PIBF1: variants seen among roughly 807,000 people sequenced by gnomAD.
PIBF1 encodes the protein progesterone-induced-blocking factor 1.
A neutral mutation model predicts 112.5 loss-of-function variants in PIBF1; 90 were observed. That is an observed-to-expected ratio of 0.80 (90% CI 0.67 to 0.95). PIBF1 has a LOEUF of 0.95. Among genes scored for constraint, PIBF1 ranks in the 40% least tolerant of loss-of-function variants. The probability of loss-of-function intolerance (pLI) is 0.00; values close to 1 mark genes in which losing one functional copy is unlikely to be tolerated. For synonymous variants in PIBF1, 301 were observed against 288.6 expected (o/e 1.04, Z -0.44); for missense variants, 915 against 852.3 (o/e 1.07, Z -0.92).
chr13:72,801,038 G>T (rs1002335302), intron 5 of PIBF1, among the ~76,000 whole-genome samples: 2 of 152,138 alleles, frequency 1.3e-5, no homozygotes, highest in African/African-American at 2.4e-5. Flanking sequence ...AAGGCAGGGG[G>T]GTACTTTGGT....
chr13:72,953,494 C>G (rs1184703709), intron 14 of PIBF1, among the ~76,000 whole-genome samples: 1 of 152,168 alleles, frequency 6.6e-6, no homozygotes, highest in Non-Finnish European at 1.5e-5. Flanking sequence ...AGTGATGTGA[C>G]CTGTCCTCTA....
At chr13:72,858,026 TGTGTGTGTG>T (rs1566366973) in intron 10 of PIBF1, among the ~76,000 whole-genome samples, 15 of 1,864 alleles carry the variant, frequency 8.0e-3, no homozygotes, top group African/African-American at 0.018. Flanking sequence ...ATGTACATTG[TGTGTGTGTG>T]TGTGTGTGTG....
chr13:72,794,697 C>A (rs1310864357), intron 3 of PIBF1, among the ~76,000 whole-genome samples: 1 of 152,174 alleles, frequency 6.6e-6, no homozygotes, highest in African/African-American at 2.4e-5. Flanking sequence ...CTTTGCTTCT[C>A]TTTTGCCTTC....
intron 16 of PIBF1, among the ~76,000 whole-genome samples, chr13:72,988,349 C>T (rs1466361291): frequency 6.6e-6 from 1 of 152,040 alleles, no homozygotes; most frequent in Middle Eastern, 3.2e-3. Flanking sequence ...TTTGTATATA[C>T]TTCTTTTGAG....
intron 9 of PIBF1, among the ~76,000 whole-genome samples, chr13:72,853,549 C>G (rs2038267890): frequency 6.6e-6 from 1 of 152,190 alleles, no homozygotes; most frequent in Non-Finnish European, 1.5e-5. Context: ...CTTCTACTTT[C>G]TCCTGTCTGT....
chr13:72,837,387 C>T lies in PIBF1; in HGVS notation c.1223+2019C>T, dbSNP rs115836133. The stretch of plus-strand genomic sequence containing the variant: ...CTAAGCTAGCCTTCATATGTTGAAT[C>T]CTGAGAAAATTTTGTTCCAAGTAGC... On this transcript the variant is annotated intron_variant, in intron 9 of 17. Transcript: ENST00000326291. Among the ~76,000 whole-genome samples, 971 of 152,046 alleles carry T rather than the reference C, an allele frequency of 6.4e-3. 12 individuals are homozygous for T. The highest frequency in any genetic ancestry group is 0.022 in the African/African-American group (901 of 41,530).
intron 17 of PIBF1, among the ~76,000 whole-genome samples, chr13:73,009,282 T>C (rs1402190966): frequency 1.3e-5 from 2 of 152,198 alleles, no homozygotes; most frequent in Non-Finnish European, 2.9e-5. Flanking sequence ...GGCTGATAAA[T>C]GTTTTATACA....
intron 10 of PIBF1, among the ~76,000 whole-genome samples, chr13:72,868,745 A>G (rs776341170): frequency 6.8e-6 from 1 of 146,612 alleles, no homozygotes; most frequent in Non-Finnish European, 1.5e-5. Flanking sequence ...ACACTTTGGG[A>G]GGCCATGGTG....
intron 11 of PIBF1, among the ~76,000 whole-genome samples, chr13:72,902,246 C>A (rs761668633): frequency 3.3e-5 from 5 of 151,896 alleles, no homozygotes; most frequent in African/African-American, 4.8e-5. Flanking sequence ...AAGAGTGGAA[C>A]AGGGAAAGGG....
At chr13:72,852,526 C>T (rs1164805482) in intron 9 of PIBF1, among the ~76,000 whole-genome samples, 1 of 152,078 alleles carries the variant, frequency 6.6e-6, no homozygotes, top group Non-Finnish European at 1.5e-5. Context: ...TAGCTTGAGC[C>T]GAGTACAGCC....
chr13:72,883,574 G>C (rs140898068), intron 10 of PIBF1, among the ~76,000 whole-genome samples: 1 of 152,038 alleles, frequency 6.6e-6, no homozygotes, highest in African/African-American at 2.4e-5. Context: ...GCAAACCTCC[G>C]CCTCCCAGGT....
intron 16 of PIBF1, among the ~76,000 whole-genome samples, chr13:72,983,682 G>C (rs917127123): frequency 2.0e-5 from 3 of 152,088 alleles, no homozygotes; most frequent in Non-Finnish European, 4.4e-5. Context: ...GGACATTTCA[G>C]CATCCCAAGT....
Position 72,798,009 on chromosome 13 carries a change from C to A in PIBF1, c.655C>A (p.Leu219Met). 6.2e-7 allele frequency: 1 copy of A among 1,603,254 alleles called. No individual in the cohort carries two copies. The highest frequency in any genetic ancestry group is 8.5e-7 in the Non-Finnish European group (1 of 1,176,384). Residue 219 changes from leucine (L) to methionine (M), a missense_variant, in exon 5 of 18, where the codon CTG (leucine) becomes ATG (methionine). Transcript: ENST00000326291. ...AEELSTNKNQ[L>M]KQLTETYEED... Reference sequence around the variant, plus strand: ...AGAATTAAGTACAAACAAAAACCAACTGAAGCAGCTGACAGAGGTTTGTAT... The same window carrying A: ...AGAATTAAGTACAAACAAAAACCAAATGAAGCAGCTGACAGAGGTTTGTAT...
At chr13:73,000,594 G>A (rs572003482) in intron 17 of PIBF1, among the ~76,000 whole-genome samples, 113 of 152,282 alleles carry the variant, frequency 7.4e-4, no homozygotes, top group African/African-American at 2.5e-3. Context: ...GAAGAAAGCA[G>A]ATTGAATACA....
At chr13:72,889,397 T>C in intron 10 of PIBF1, among the ~76,000 whole-genome samples, 1 of 152,176 alleles carries the variant, frequency 6.6e-6, no homozygotes, top group Middle Eastern at 3.2e-3. Context: ...AAAACTAAAC[T>C]TTCCTGCCCA....
At chr13:72,950,697 T>C (rs188555956) in intron 14 of PIBF1, among the ~76,000 whole-genome samples, 1 of 152,342 alleles carries the variant, frequency 6.6e-6, no homozygotes, top group East Asian at 1.9e-4. Flanking sequence ...CAAATATTTA[T>C]TGAGTACCTA....
In PIBF1 at chr13:72,832,045, A is replaced by G. The variant is rs1490038533; in HGVS notation, c.1098-3198A>G. Among the ~76,000 whole-genome samples, 6 of 98,758 alleles carry G rather than the reference A, an allele frequency of 6.1e-5. No homozygotes were observed. The East Asian group carries it at 2.1e-3, about 34-fold the overall frequency. The allele number at this position is 98,758 out of a possible 152,430, so 64.8% of individuals were successfully genotyped here. On this transcript the variant is annotated intron_variant, in intron 8 of 17. Transcript: ENST00000326291. ...TCTTTGTTGGTTTAAAGTCTGTTTT[A>G]TCAGAGATTAGAATTGCAATTCCGG...
intron 8 of PIBF1, among the ~76,000 whole-genome samples, chr13:72,833,680 T>C (rs1031158227): frequency 7.9e-5 from 12 of 152,196 alleles, no homozygotes; most frequent in Non-Finnish European, 1.6e-4. Flanking sequence ...ATGAGGTGTC[T>C]GTCGGTCCCT....
chr13:72,987,858 A>ATTTTTTTTTTTTTTTTTTTTTTT (rs55999445), intron 16 of PIBF1, among the ~76,000 whole-genome samples: 2 of 58,136 alleles, frequency 3.4e-5, no homozygotes, highest in African/African-American at 1.9e-4. Context: ...TTATTTATTT[A>ATTTTTTTTTTTTTTTTTTTTTTT]TTTTTTTTTT....
Sources: gnomAD v4.1 joint callset for allele counts (sites outside exome capture counted in the v4.1 genomes callset) on GRCh38, gnomAD v4.1.1 for gene constraint, MANE v1.5 for transcripts, NCBI Gene and HGNC (gene_info 2026-07-23, HGNC 2026-07-21) for gene names.